PTPRD: variants seen among roughly 807,000 people sequenced by gnomAD.
PTPRD encodes protein tyrosine phosphatase receptor type D.
A neutral mutation model predicts 214.5 loss-of-function variants in PTPRD; 34 were observed. That is an observed-to-expected ratio of 0.16 (90% CI 0.12 to 0.21). The LOEUF (loss-of-function observed/expected upper bound fraction) is 0.21, where lower values mean the gene tolerates loss of function less well. Among genes scored for constraint, PTPRD ranks in the 10% least tolerant of loss-of-function variants. PTPRD has a pLI of 1.00. For synonymous variants in PTPRD, 1,128 were observed against 845.7 expected (o/e 1.33, Z -5.79); for missense variants, 2,545 against 2,398.7 (o/e 1.06, Z -1.27).
Position 10,290,557 on chromosome 9 carries a change from A to C in PTPRD, c.-545+50406T>G, listed in dbSNP as rs143520258. On this transcript the variant is annotated intron_variant, in intron 3 of 45. Coordinates refer to ENST00000381196, the MANE Select transcript of PTPRD (RefSeq NM_002839.4). ...AAAATTACAGATTCCAATGACATAC[A>C]TTATAATATATGCATAGAGTAAGAA... Among the ~76,000 whole-genome samples the C allele has an allele frequency of 3.5e-3, 527 of 152,318 alleles. 5 individuals carry two copies. The highest frequency in any genetic ancestry group is 0.012 in the African/African-American group (499 of 41,580).
chr9:9,553,150 C>A (rs2080728955), intron 8 of PTPRD, among the ~76,000 whole-genome samples: 1 of 152,010 alleles, frequency 6.6e-6, no homozygotes, highest in African/African-American at 2.4e-5. Flanking sequence ...CTGCAGTCGC[C>A]TGCTCCTATT....
chr9:10,544,069 T>G (rs957917153), intron 2 of PTPRD, among the ~76,000 whole-genome samples: 2 of 152,166 alleles, frequency 1.3e-5, no homozygotes, highest in Non-Finnish European at 2.9e-5. Context: ...TTAATAACTT[T>G]GAAAAACAAA....
At chr9:9,847,931 C>G (rs1451340803) in intron 5 of PTPRD, among the ~76,000 whole-genome samples, 2 of 152,102 alleles carry the variant, frequency 1.3e-5, no homozygotes, top group South Asian at 2.1e-4. Context: ...GAAGCTACAT[C>G]CTGCTAGAAC....
In PTPRD at chr9:9,574,786, A is replaced by G. The variant is rs1255618033; in HGVS notation, c.-286-5T>C. ...AAAAGTTCACCACCCTGAGACCTAG[A>G]AAAGTATAACACAAAACATTCTTTA... On this transcript the variant is annotated splice_polypyrimidine_tract_variant and splice_region_variant and intron_variant, in intron 7 of 45. Coordinates refer to ENST00000381196, the MANE Select transcript of PTPRD (RefSeq NM_002839.4). The G allele has an allele frequency of 1.3e-5, 2 of 152,126 alleles. No homozygotes were observed. The highest frequency in any genetic ancestry group is 2.9e-5 in the Non-Finnish European group (2 of 67,970). The allele number at this position is 152,126 out of a possible 1,614,324, so 9.4% of individuals were successfully genotyped here. A position where few individuals can be genotyped will look rare whatever the true frequency, so the allele number is the denominator to read the frequency against.
At chr9:9,039,478 C>A (rs1470752749) in intron 10 of PTPRD, among the ~76,000 whole-genome samples, 1 of 152,136 alleles carries the variant, frequency 6.6e-6, no homozygotes, top group African/African-American at 2.4e-5. Flanking sequence ...GCCAGTGGGA[C>A]CAAATCCAGC....
chr9:8,554,399 T>C (rs1422291455), intron 14 of PTPRD, among the ~76,000 whole-genome samples: 2 of 152,100 alleles, frequency 1.3e-5, no homozygotes, highest in East Asian at 1.9e-4. Context: ...TATGGGAAAG[T>C]AAAAAGTAGG....
chr9:10,033,967 C>A (rs1175265741), intron 3 of PTPRD, among the ~76,000 whole-genome samples, 177 bp from the exon 4 acceptor site: 3 of 152,120 alleles, frequency 2.0e-5, no homozygotes, highest in Admixed American at 1.3e-4. Context: ...TATATTATTT[C>A]TTTGATGTAA....
intron 7 of PTPRD, among the ~76,000 whole-genome samples, chr9:9,642,304 T>C (rs2095991231): frequency 7.0e-6 from 1 of 143,148 alleles, no homozygotes; most frequent in Non-Finnish European, 1.5e-5. Flanking sequence ...TTGGGAGATA[T>C]ACCTAAGGCT....
chr9:9,762,962 C>G (rs2098672926), intron 6 of PTPRD, among the ~76,000 whole-genome samples: 1 of 152,136 alleles, frequency 6.6e-6, no homozygotes. Flanking sequence ...TTCTGAAGCT[C>G]TTCTCTTGGC....
At chr9:10,408,878 G>A (rs1185153425) in intron 2 of PTPRD, among the ~76,000 whole-genome samples, 1 of 151,616 alleles carries the variant, frequency 6.6e-6, no homozygotes, top group African/African-American at 2.4e-5. Flanking sequence ...CTCAGTATAT[G>A]TTAGATATTG....
chr9:8,317,674 T>C lies in PTPRD; in HGVS notation c.*200A>G. 2.3e-6 allele frequency: 1 copy of C among 442,696 alleles called. No homozygotes were observed. The highest frequency in any genetic ancestry group is 4.2e-6 in the Non-Finnish European group (1 of 239,702). The allele number at this position is 442,696 out of a possible 1,614,324, so 27.4% of individuals were successfully genotyped here. On this transcript the variant is annotated 3_prime_UTR_variant, in exon 46 of 46. Transcript: ENST00000381196. The stretch of plus-strand genomic sequence containing the variant: ...ATCAGTCAGGATTCTCTTCATTATT[T>C]TTCAGGTTAGATTATTAAACTGTGA...
At chr9:9,451,318 C>A (rs2092113782) in intron 8 of PTPRD, among the ~76,000 whole-genome samples, 1 of 151,694 alleles carries the variant, frequency 6.6e-6, no homozygotes, top group South Asian at 2.1e-4. Flanking sequence ...CTTCATCTGT[C>A]TTGATTTTAG....
At chr9:9,230,556 G>C (rs1385293702) in intron 9 of PTPRD, among the ~76,000 whole-genome samples, 1 of 152,086 alleles carries the variant, frequency 6.6e-6, no homozygotes, top group Non-Finnish European at 1.5e-5. Context: ...TCTGGATTGG[G>C]TTCAGTGTTG....
chr9:9,369,274 T>C (rs1028068547), intron 9 of PTPRD, among the ~76,000 whole-genome samples: 1 of 152,110 alleles, frequency 6.6e-6, no homozygotes, highest in Non-Finnish European at 1.5e-5. Context: ...GCACCTGTTG[T>C]TTCCTGACTT....
At position 9,105,917 on chromosome 9, in the gene PTPRD, C is replaced by T. The variant is rs530571385; in HGVS notation, c.-143+77387G>A. On this transcript the variant is annotated intron_variant, in intron 10 of 45. Coordinates refer to ENST00000381196, the MANE Select transcript of PTPRD (RefSeq NM_002839.4). ...ACTCCACCCAGTGCTCTTTTTGGTA[C>T]ATTCAGGGTTGGGAAGTGGAGGGAA... 4.9e-4 allele frequency among the ~76,000 whole-genome samples: 75 copies of T among 152,278 alleles called. No individual in the cohort carries two copies. The Middle Eastern group carries it at 0.01, about 21-fold the overall frequency.
chr9:9,781,246 T>C (rs1421565197), intron 5 of PTPRD, among the ~76,000 whole-genome samples: 1 of 152,210 alleles, frequency 6.6e-6, no homozygotes, highest in Non-Finnish European at 1.5e-5. Flanking sequence ...AGTAAAGATG[T>C]CAATAATGGG....
In PTPRD at chr9:8,317,814, G is replaced by GA; in HGVS notation, c.*59dup. ...CTTCTCAAGTGCCCTGTATGGCTCA[G>GA]AAGAGACTCCATGGATATTGAAGGG... On this transcript the variant is annotated 3_prime_UTR_variant, in exon 46 of 46. Transcript: ENST00000381196. The GA allele has an allele frequency of 6.6e-7, 1 of 1,514,460 alleles. No homozygotes were observed. The highest frequency in any genetic ancestry group is 1.1e-5 in the South Asian group (1 of 89,072). The allele number at this position is 1,514,460 out of a possible 1,614,324, so 93.8% of individuals were successfully genotyped here.
chr9:10,026,290 G>T (rs2096922225), intron 4 of PTPRD, among the ~76,000 whole-genome samples: 1 of 152,194 alleles, frequency 6.6e-6, no homozygotes, highest in African/African-American at 2.4e-5. Flanking sequence ...AGAAGCTGAT[G>T]ACTCCATCTT....
chr9:9,895,400 G>A (rs1328665077), intron 5 of PTPRD, among the ~76,000 whole-genome samples: 1 of 151,932 alleles, frequency 6.6e-6, no homozygotes, highest in Non-Finnish European at 1.5e-5. Context: ...GACCTTATAT[G>A]TATCTGAATA....
Sources: allele counts gnomAD v4.1 joint callset (sites outside exome capture counted in the v4.1 genomes callset), GRCh38; gene constraint gnomAD v4.1.1; transcripts MANE v1.5; gene names NCBI Gene and HGNC (gene_info 2026-07-23, HGNC 2026-07-21).